PCNX2: variants seen among roughly 807,000 people sequenced by gnomAD.
PCNX2 encodes pecanex 2, also known as pecanex-like protein 2.
A neutral mutation model predicts 223.8 loss-of-function variants in PCNX2; 168 were observed. The ratio of observed to expected loss-of-function variants is 0.75; its 90% CI spans 0.66 to 0.85. The LOEUF is 0.85. PCNX2 is among the 40% of genes least tolerant of loss of function. The probability of loss-of-function intolerance (pLI) is 0.00; values close to 1 mark genes in which losing one functional copy is unlikely to be tolerated. For missense variants in PCNX2, 2,507 were observed against 2,675.5 expected (o/e 0.94, Z 1.39); for synonymous variants, 1,006 against 1,052.6 (o/e 0.96, Z 0.86).
chr1:233,317,669 CG>C, the PCNX2 span, among the ~76,000 whole-genome samples: 2 of 149,212 alleles, frequency 1.3e-5, no homozygotes, highest in Non-Finnish European at 3.0e-5. Flanking sequence ...AAATGAGGGG[CG>C]GGGGGAGAAG....
At chr1:233,031,874 A>G in intron 25 of PCNX2, 1 of 984,866 alleles carries the variant, frequency 1.0e-6, no homozygotes, top group Non-Finnish European at 1.2e-6. Flanking sequence ...AGATGTATAG[A>G]AATGCATACT....
At chr1:233,264,326 G>A (rs990400849) in intron 1 of PCNX2, among the ~76,000 whole-genome samples, 1 of 152,138 alleles carries the variant, frequency 6.6e-6, no homozygotes, top group African/African-American at 2.4e-5. Flanking sequence ...TTTATCAATG[G>A]ACTTCCCTAA....
chr1:232,988,812 C>T (rs755938914), intron 32 of PCNX2, among the ~76,000 whole-genome samples: 2 of 152,242 alleles, frequency 1.3e-5, no homozygotes, highest in South Asian at 4.1e-4. Context: ...CCAGCTGTGA[C>T]ATATGCTTTT....
chr1:233,018,947 G>C, intron 26 of PCNX2: 2 of 985,464 alleles, frequency 2.0e-6, no homozygotes, highest in Non-Finnish European at 2.4e-6. Context: ...TTCAGTGACT[G>C]ACGCTTGTAA....
At chr1:233,063,090 A>T (rs752102726) in intron 23 of PCNX2, among the ~76,000 whole-genome samples, 12 of 152,130 alleles carry the variant, frequency 7.9e-5, no homozygotes, top group Middle Eastern at 3.2e-3. Flanking sequence ...TATGAAAATT[A>T]GCAGGGTGTG....
At chr1:233,246,815 C>G (rs777883399) in intron 8 of PCNX2, among the ~76,000 whole-genome samples, 2 of 152,146 alleles carry the variant, frequency 1.3e-5, no homozygotes, top group African/African-American at 2.4e-5. Context: ...TGAACTCACA[C>G]GAGTGCACAC....
chr1:233,047,357 T>C (rs1572044511), intron 25 of PCNX2: 2 of 982,764 alleles, frequency 2.0e-6, no homozygotes, highest in East Asian at 1.1e-4. Context: ...GAAAAAGCAC[T>C]GCAAAATTCT....
chr1:233,136,578 T>C (rs779218470), intron 20 of PCNX2, among the ~76,000 whole-genome samples: 5 of 152,182 alleles, frequency 3.3e-5, no homozygotes, highest in Admixed American at 6.5e-5. Context: ...CTTGATTCCA[T>C]GCATACATCA....
At chr1:233,013,678 A>T (rs944920341) in intron 28 of PCNX2, among the ~76,000 whole-genome samples, 1 of 152,172 alleles carries the variant, frequency 6.6e-6, no homozygotes, top group Non-Finnish European at 1.5e-5. Flanking sequence ...TCCAAGTAGA[A>T]ACAATCCCAG....
At chr1:233,150,066 C>T (rs2475161) in intron 19 of PCNX2, among the ~76,000 whole-genome samples, 119,548 of 151,942 alleles carry the variant, frequency 0.79, 47,214 homozygotes, top group African/African-American at 0.84. Context: ...GAATGACCAT[C>T]TCTCCAGAGG....
At chr1:233,100,417 CAAAAAAAAAA>C (rs5781726) in intron 21 of PCNX2, among the ~76,000 whole-genome samples, 1 of 81,074 alleles carries the variant, frequency 1.2e-5, no homozygotes, top group South Asian at 4.4e-4. Flanking sequence ...GATTCTGTCT[CAAAAAAAAAA>C]AAAAAAAAAA....
intron 1 of PCNX2, among the ~76,000 whole-genome samples, chr1:233,268,372 A>G (rs1308232555): frequency 6.6e-6 from 1 of 152,178 alleles, no homozygotes; most frequent in Non-Finnish European, 1.5e-5. Flanking sequence ...AGCTATAAGT[A>G]ATGCCCATGC....
intron 23 of PCNX2, among the ~76,000 whole-genome samples, chr1:233,079,108 G>A (rs974422222): frequency 6.6e-6 from 1 of 152,138 alleles, no homozygotes; most frequent in East Asian, 1.9e-4. Context: ...AAGCTCTTTT[G>A]TCTGCCACTC....
chr1:232,988,017 G>A (rs892862828), intron 32 of PCNX2, among the ~76,000 whole-genome samples: 8 of 152,368 alleles, frequency 5.3e-5, no homozygotes, highest in African/African-American at 1.9e-4. Context: ...TCTGCTGCAG[G>A]AGGGGTGCAT....
At chr1:233,075,493 T>C (rs187782444) in intron 23 of PCNX2, among the ~76,000 whole-genome samples, 3 of 152,234 alleles carry the variant, frequency 2.0e-5, no homozygotes, top group African/African-American at 7.2e-5. Flanking sequence ...AATCTTCTGG[T>C]TTTTTGTATT....
At position 233,261,333 on chromosome 1, in the gene PCNX2, A is replaced by G. The variant is rs1157763877; in HGVS notation, c.481-12T>C. The G allele has an allele frequency of 6.2e-7, 1 of 1,611,976 alleles. No homozygotes were observed. The highest frequency in any genetic ancestry group is 8.5e-7 in the Non-Finnish European group (1 of 1,178,476). ...TGTGCTGACAACTCCTACACAAATGAAAGAAACAAAAATCAATAGATGACT... is the reference window on the plus strand; with the variant it reads ...TGTGCTGACAACTCCTACACAAATGGAAGAAACAAAAATCAATAGATGACT... On this transcript the variant is annotated splice_polypyrimidine_tract_variant and intron_variant, in intron 3 of 33. Transcript: ENST00000258229.
intron 32 of PCNX2, among the ~76,000 whole-genome samples, chr1:232,988,553 G>T (rs1039025831): frequency 7.2e-5 from 11 of 152,076 alleles, no homozygotes; most frequent in African/African-American, 2.4e-4. Flanking sequence ...ACCAAGTTAT[G>T]AATGTTTCTA....
the PCNX2 span, among the ~76,000 whole-genome samples, chr1:233,326,052 T>G: frequency 5.9e-5 from 9 of 152,234 alleles, no homozygotes; most frequent in Non-Finnish European, 8.8e-5. Context: ...CTCTGCCAGC[T>G]AAAAGATTAT....
chr1:233,048,181 A>G (rs4649430), intron 25 of PCNX2, among the ~76,000 whole-genome samples: 151,350 of 152,366 alleles, frequency 0.99, 75,171 homozygotes, highest in East Asian at 1. Context: ...AACAGGCTGC[A>G]CATGGTGGCT....
Sources: gnomAD v4.1 joint callset for allele counts (sites outside exome capture counted in the v4.1 genomes callset) on GRCh38, gnomAD v4.1.1 for gene constraint, MANE v1.5 for transcripts, NCBI Gene and HGNC (gene_info 2026-07-23, HGNC 2026-07-21) for gene names.